The following ABCG2 variants were observed in gnomAD, a reference collection of about 807,000 sequenced individuals.
ABCG2 encodes ATP binding cassette subfamily G member 2 (JR blood group).
Under a neutral mutation model 73.5 loss-of-function variants are expected in ABCG2, and 80 were observed. The observed-to-expected ratio is 1.09, with a 90% CI of 0.91 to 1.31. The LOEUF is 1.31. Among genes scored for constraint, ABCG2 ranks in the 50% most tolerant of loss-of-function variants. The pLI is 0.00. For missense variants in ABCG2, 796 were observed against 786.2 expected (o/e 1.01, Z -0.15); for synonymous variants, 269 against 282.4 (o/e 0.95, Z 0.48).
intron 1 of ABCG2, among the ~76,000 whole-genome samples, chr4:88,142,502 A>G (rs1725712745): frequency 6.6e-6 from 1 of 152,200 alleles, no homozygotes; most frequent in African/African-American, 2.4e-5. Context: ...TTCAAGGTAC[A>G]TGGCTGGGTT....
chr4:88,147,911 A>G (rs1014934099), intron 1 of ABCG2, among the ~76,000 whole-genome samples: 4 of 152,224 alleles, frequency 2.6e-5, no homozygotes, highest in Non-Finnish European at 5.9e-5. Context: ...TAGTTCACAA[A>G]AACTACAATT....
chr4:88,201,510 A>G (rs1288063558), intron 1 of ABCG2, among the ~76,000 whole-genome samples: 1 of 152,220 alleles, frequency 6.6e-6, no homozygotes, highest in Non-Finnish European at 1.5e-5. Flanking sequence ...AACTTCCAAA[A>G]CAGAAAGTCC....
chr4:88,197,170 C>A (rs1298936432), intron 1 of ABCG2, among the ~76,000 whole-genome samples: 2 of 144,534 alleles, frequency 1.4e-5, no homozygotes, highest in East Asian at 2.0e-4. Context: ...TCTTTTTACC[C>A]AGTACATCAT....
At chr4:88,164,903 A>C (rs1420649409) in intron 1 of ABCG2, among the ~76,000 whole-genome samples, 1 of 151,954 alleles carries the variant, frequency 6.6e-6, no homozygotes, top group African/African-American at 2.4e-5. Context: ...TCAGCCTCCC[A>C]AGTAGCTGGG....
chr4:88,191,151 A>G (rs1353365521), intron 1 of ABCG2, among the ~76,000 whole-genome samples: 2 of 145,958 alleles, frequency 1.4e-5, no homozygotes, highest in Non-Finnish European at 3.0e-5. Context: ...AGGCTGAGGC[A>G]GGAGAATGGC....
intron 1 of ABCG2, among the ~76,000 whole-genome samples, chr4:88,151,400 T>C (rs1006173675): frequency 6.6e-6 from 1 of 152,210 alleles, no homozygotes; most frequent in African/African-American, 2.4e-5. Context: ...TCAATATCCC[T>C]GCTCCCTTCC....
chr4:88,115,944 T>C (rs1406485865), intron 7 of ABCG2, among the ~76,000 whole-genome samples: 2 of 152,110 alleles, frequency 1.3e-5, no homozygotes, highest in Non-Finnish European at 2.9e-5. Flanking sequence ...TCTGTAATAC[T>C]AGCACTTCGG....
chr4:88,129,047 A>C (rs1560693022), intron 5 of ABCG2, among the ~76,000 whole-genome samples: 1 of 152,192 alleles, frequency 6.6e-6, no homozygotes, highest in African/African-American at 2.4e-5. Flanking sequence ...AGGGAGATAA[A>C]GTCAGGAGAA....
At chr4:88,127,297 A>C (rs560422038) in intron 5 of ABCG2, among the ~76,000 whole-genome samples, 3 of 152,364 alleles carry the variant, frequency 2.0e-5, no homozygotes, top group African/African-American at 7.2e-5. Context: ...AAAACATTTC[A>C]TGCTCATGGA....
intron 5 of ABCG2, among the ~76,000 whole-genome samples, chr4:88,122,894 A>C (rs1343621131): frequency 6.6e-6 from 1 of 152,224 alleles, no homozygotes; most frequent in African/African-American, 2.4e-5. Context: ...AGGGGTCGAC[A>C]GACACTTCAT....
chr4:88,222,424 G>A (rs1560466356), intron 1 of ABCG2, among the ~76,000 whole-genome samples: 4 of 152,084 alleles, frequency 2.6e-5, no homozygotes, highest in South Asian at 4.1e-4. Flanking sequence ...ATCGTGGGCC[G>A]CTGTTCTCGT....
intron 1 of ABCG2, among the ~76,000 whole-genome samples, chr4:88,198,311 T>G (rs2110112585): frequency 6.6e-6 from 1 of 152,148 alleles, no homozygotes; most frequent in African/African-American, 2.4e-5. Context: ...TCAGCCTGGG[T>G]GACAGAGCAA....
At chr4:88,158,279 G>T (rs1727087773) in intron 1 of ABCG2, 107 bp downstream of exon 1, 1 of 324,060 alleles carries the variant, frequency 3.1e-6, no homozygotes, top group South Asian at 2.4e-5. Flanking sequence ...AAAAAACTCA[G>T]TCGTCTCGTT....
chr4:88,091,353 T>A lies in ABCG2; in HGVS notation c.*881A>T, dbSNP rs191744769. The A allele has an allele frequency of 1.3e-5, 2 of 152,322 alleles. No homozygotes were observed. Among genetic ancestry groups the A allele is most frequent in the African/African-American group, 4.8e-5 (2 of 41,558 alleles). 9.4% of individuals were successfully genotyped at this position (152,322 alleles called of 1,614,324 possible). ...AAGAAAACCTATGTAGGGACAGATG[T>A]TAATAGTTATTAAATCCTAAGTAAA... On this transcript the variant is annotated 3_prime_UTR_variant, in exon 16 of 16. Coordinates refer to ENST00000237612, the MANE Select transcript of ABCG2 (RefSeq NM_004827.3).
intron 2 of ABCG2, among the ~76,000 whole-genome samples, chr4:88,136,819 C>T (rs1003566500): frequency 6.6e-6 from 1 of 151,972 alleles, no homozygotes; most frequent in African/African-American, 2.4e-5. Context: ...AGTTTGAGAC[C>T]AGCCTGGCCA....
chr4:88,112,079 C>A (rs1376604103), intron 9 of ABCG2, among the ~76,000 whole-genome samples: 14 of 133,074 alleles, frequency 1.1e-4, no homozygotes, highest in Non-Finnish European at 1.7e-5. Context: ...GAGTGAGACC[C>A]AGTCTCTAAA....
chr4:88,122,633 G>T (rs545894716), intron 5 of ABCG2, among the ~76,000 whole-genome samples: 14 of 152,180 alleles, frequency 9.2e-5, no homozygotes, highest in Admixed American at 8.5e-4. Context: ...TCTATGCAGG[G>T]CATCTCTGAA....
intron 1 of ABCG2, among the ~76,000 whole-genome samples, chr4:88,209,125 C>T (rs536890081): frequency 3.1e-4 from 47 of 152,172 alleles, no homozygotes; most frequent in African/African-American, 1.1e-3. Context: ...GCCTGGCCAA[C>T]ATGGCGAAAC....
rs796411504 is a variant in ABCG2 at position 88,115,236 on chromosome 4, C to CTCTCTCTCTCTG, written c.842-179_842-178insCAGAGAGAGAGA. ...CCCTTTCTTTTTATATATTCAGTCT[C>CTCTCTCTCTCTG]TCTCTCTCTCTCTCTCTCTCTATAT... On this transcript the variant is annotated intron_variant, in intron 7 of 15. Transcript: ENST00000237612. Among the ~76,000 whole-genome samples, 291 of 72,380 alleles carry CTCTCTCTCTCTG rather than the reference C, an allele frequency of 4.0e-3. 27 individuals are homozygous for CTCTCTCTCTCTG. The highest frequency in any genetic ancestry group is 0.025 in the Middle Eastern group (4 of 158). The allele number at this position is 72,380 out of a possible 152,430, so 47.5% of individuals were successfully genotyped here.
Sources: allele counts gnomAD v4.1 joint callset (sites outside exome capture counted in the v4.1 genomes callset), GRCh38; gene constraint gnomAD v4.1.1; transcripts MANE v1.5; gene names NCBI Gene and HGNC (gene_info 2026-07-23, HGNC 2026-07-21).